TIMM23B: variants seen among roughly 807,000 people sequenced by gnomAD.
The protein encoded by TIMM23B is translocase of inner mitochondrial membrane 23 homolog B.
In TIMM23B, 27 loss-of-function variants were observed where a neutral mutation model predicts 27.3. The ratio of observed to expected loss-of-function variants is 0.99; its 90% CI spans 0.73 to 1.36. TIMM23B has a LOEUF of 1.36. Among genes scored for constraint, TIMM23B ranks in the 40% most tolerant of loss-of-function variants. TIMM23B has a pLI of 0.00. For synonymous variants in TIMM23B, 73 were observed against 92.4 expected (o/e 0.79, Z 1.21); for missense variants, 205 against 244.2 (o/e 0.84, Z 1.07).
At chr10:49,957,427 AT>A (rs1564683104) in intron 5 of TIMM23B, among the ~76,000 whole-genome samples, 1 of 151,762 alleles carries the variant, frequency 6.6e-6, no homozygotes, top group Admixed American at 6.6e-5. Context: ...TTTTTTAAAA[AT>A]TTTTTTGGAG....
At chr10:49,972,799 T>C in intron 6 of TIMM23B, 1 of 579,630 alleles carries the variant, frequency 1.7e-6, no homozygotes, top group Non-Finnish European at 3.0e-6. Context: ...TAAGCAAGAG[T>C]TCTTTTTCAT....
rs1367219439 is a variant in TIMM23B, at chr10:49,945,084, C to T, written c.159C>T (p.Leu53=). ...CPYLNVDPRY[L]VQDTDEFILP... ...ATTTAAATGTGGATCCACGATACCT[C>T]GTGCAGGTAAGACTAAGATTTTACT... Residue 53 remains leucine, a synonymous_variant, in exon 2 of 7, where the codon CTC becomes CTT. Coordinates refer to ENST00000651259, the MANE Select transcript of TIMM23B (RefSeq NM_001290117.2). 15 of 1,610,620 alleles carry T rather than the reference C, an allele frequency of 9.3e-6. No homozygotes were observed. The highest frequency in any genetic ancestry group is 4.5e-5 in the East Asian group (2 of 44,862).
At chr10:49,946,096 A>G in intron 2 of TIMM23B, among the ~76,000 whole-genome samples, 1 of 151,892 alleles carries the variant, frequency 6.6e-6, no homozygotes, top group Non-Finnish European at 1.5e-5. Context: ...AGGCTGAGGC[A>G]CGAGAATCGC....
At chr10:49,970,864 G>A (rs1261112148) in intron 6 of TIMM23B, among the ~76,000 whole-genome samples, 1 of 152,224 alleles carries the variant, frequency 6.6e-6, no homozygotes, top group Non-Finnish European at 1.5e-5. Context: ...CCATGATGAC[G>A]ATGGCGGTTT....
chr10:49,962,456 C>G (rs1839953270), intron 6 of TIMM23B, among the ~76,000 whole-genome samples: 1 of 152,186 alleles, frequency 6.6e-6, no homozygotes, highest in African/African-American at 2.4e-5. Flanking sequence ...CCACCTCAGC[C>G]TCCCAAAGTG....
chr10:49,945,154 T>A lies in TIMM23B; in HGVS notation c.165+64T>A, dbSNP rs2133047319. Reference sequence around the variant, plus strand: ...CCATTTTTAAAAAAACGCCAAGTGCTATGCTGACTTGAACTATGACATACA... The same window carrying A: ...CCATTTTTAAAAAAACGCCAAGTGCAATGCTGACTTGAACTATGACATACA... On this transcript the variant is annotated intron_variant, in intron 2 of 6. Coordinates refer to ENST00000651259, the MANE Select transcript of TIMM23B (RefSeq NM_001290117.2). 5.8e-6 allele frequency: 9 copies of A among 1,543,978 alleles called. No individual in the cohort carries two copies. The South Asian group carries it at 1.0e-4, about 17-fold the overall frequency.
chr10:49,956,432 T>C (rs1473408927), intron 5 of TIMM23B, among the ~76,000 whole-genome samples: 3 of 89,094 alleles, frequency 3.4e-5, no homozygotes, highest in African/African-American at 1.3e-4. Flanking sequence ...AATACGTGTG[T>C]GTGTGTGTGT....
chr10:49,955,565 G>A (rs1370084139), intron 5 of TIMM23B, among the ~76,000 whole-genome samples: 1 of 152,176 alleles, frequency 6.6e-6, no homozygotes, highest in African/African-American at 2.4e-5. Flanking sequence ...TAGGCAAAAG[G>A]TAATTTAGTA....
At chr10:49,945,466 A>G (rs1312164763) in intron 2 of TIMM23B, among the ~76,000 whole-genome samples, 20 of 152,110 alleles carry the variant, frequency 1.3e-4, no homozygotes, top group African/African-American at 4.8e-4. Context: ...CTGCAACCTC[A>G]GCCTCCCAAA....
intron 4 of TIMM23B, among the ~76,000 whole-genome samples, chr10:49,954,790 T>G (rs1416757637): frequency 6.0e-5 from 9 of 150,396 alleles, no homozygotes; most frequent in African/African-American, 1.9e-4. Flanking sequence ...TCCTTAAGAC[T>G]TTTGCCTAAA....
chr10:49,971,320 T>A (rs1554856533), intron 6 of TIMM23B, among the ~76,000 whole-genome samples: 4 of 139,812 alleles, frequency 2.9e-5, no homozygotes, highest in Admixed American at 7.3e-5. Context: ...CCAAGAATGA[T>A]CAATAAATAC....
chr10:49,959,967 T>C (rs1284040201), intron 6 of TIMM23B, among the ~76,000 whole-genome samples: 122 of 151,744 alleles, frequency 8.0e-4, no homozygotes, highest in African/African-American at 2.8e-3. Flanking sequence ...CAGGCTGGTC[T>C]CAAACTCCTG....
intron 1 of TIMM23B, among the ~76,000 whole-genome samples, chr10:49,943,737 GTTTTTTTTTT>G (rs35547755): frequency 1.8e-5 from 2 of 113,630 alleles, no homozygotes; most frequent in African/African-American, 3.5e-5. Context: ...GTTTTTGTGG[GTTTTTTTTTT>G]TTTTTTTTTT....
At chr10:49,970,833 C>A (rs1319509385) in intron 6 of TIMM23B, among the ~76,000 whole-genome samples, 1 of 152,232 alleles carries the variant, frequency 6.6e-6, no homozygotes, top group African/African-American at 2.4e-5. Context: ...GAGGTGTACC[C>A]AACAGCTCAT....
intron 6 of TIMM23B, among the ~76,000 whole-genome samples, chr10:49,960,152 A>G (rs1839850259): frequency 1.5e-5 from 2 of 134,642 alleles, no homozygotes; most frequent in African/African-American, 5.6e-5. Flanking sequence ...GGCTCAGGTG[A>G]TCCATCTCAG....
chr10:49,942,830 G>A (rs1839191822), intron 1 of TIMM23B, among the ~76,000 whole-genome samples: 2 of 152,172 alleles, frequency 1.3e-5, no homozygotes, highest in Non-Finnish European at 2.9e-5. Flanking sequence ...ATATAGACAT[G>A]AAGAAAGAAG....
At chr10:49,944,472 T>C (rs1839292148) in intron 1 of TIMM23B, among the ~76,000 whole-genome samples, 2 of 151,922 alleles carry the variant, frequency 1.3e-5, no homozygotes, top group South Asian at 4.2e-4. Flanking sequence ...GGTCTGGCCC[T>C]CTCAAAGTTT....
At chr10:49,953,078 G>T (rs1839591936) in intron 4 of TIMM23B, among the ~76,000 whole-genome samples, 2 of 152,146 alleles carry the variant, frequency 1.3e-5, no homozygotes, top group Admixed American at 1.3e-4. Context: ...TACAGAGAAG[G>T]GAAAGTACAG....
intron 6 of TIMM23B, among the ~76,000 whole-genome samples, chr10:49,962,632 A>G (rs2132043019): frequency 6.6e-6 from 1 of 151,976 alleles, no homozygotes; most frequent in African/African-American, 2.4e-5. Flanking sequence ...TGCTGTTACC[A>G]TTTCCTAGAA....
Sources: gnomAD v4.1 joint callset for allele counts (sites outside exome capture counted in the v4.1 genomes callset) on GRCh38, gnomAD v4.1.1 for gene constraint, MANE v1.5 for transcripts, NCBI Gene and HGNC (gene_info 2026-07-23, HGNC 2026-07-21) for gene names.